Variants in COL23A1 observed in about 807,000 individuals in gnomAD.
COL23A1 encodes the protein collagen type XXIII alpha 1 chain.
Under a neutral mutation model 99.3 loss-of-function variants are expected in COL23A1, and 97 were observed. That is an observed-to-expected ratio of 0.98 (90% confidence interval 0.83 to 1.16). The LOEUF is 1.16. COL23A1 is among the 50% of genes most tolerant of loss of function. The pLI is 0.00. For synonymous variants in COL23A1, 320 were observed against 308.2 expected (o/e 1.04, Z -0.40); for missense variants, 762 against 757.4 (o/e 1.01, Z -0.07).
intron 1 of COL23A1, among the ~76,000 whole-genome samples, chr5:178,580,743 G>A (rs966288789): frequency 6.6e-6 from 1 of 152,222 alleles, no homozygotes; most frequent in Non-Finnish European, 1.5e-5. Context: ...TTCTGGCCGG[G>A]TGTGGTTGGC....
At chr5:178,369,597 T>C (rs1762690858) in intron 2 of COL23A1, among the ~76,000 whole-genome samples, 1 of 152,182 alleles carries the variant, frequency 6.6e-6, no homozygotes, top group South Asian at 2.1e-4. Context: ...CAGGTCATTC[T>C]CGTGCTGTTC....
chr5:178,404,902 A>G (rs182126578), intron 2 of COL23A1, among the ~76,000 whole-genome samples: 1 of 152,326 alleles, frequency 6.6e-6, no homozygotes, highest in Non-Finnish European at 1.5e-5. Context: ...GACAAGAATG[A>G]GCTCACTATG....
chr5:178,415,819 T>C lies in COL23A1; in HGVS notation c.362-108900A>G, dbSNP rs1312684235. ...GCAAACAAGAAAGACTGAAAACTCCTCGAGGGCACAACTGCAGACATCAGG... is the reference window on the plus strand; with the variant it reads ...GCAAACAAGAAAGACTGAAAACTCCCCGAGGGCACAACTGCAGACATCAGG... On this transcript the variant is annotated intron_variant, in intron 2 of 28. Transcript: ENST00000390654. This position sits in a 1 kb window ranked among gnomAD's most constrained non-coding sequence, Gnocchi z 4.6. 6.6e-6 allele frequency among the ~76,000 whole-genome samples: 1 copy of C among 152,002 alleles called. No individual in the cohort carries two copies. Among genetic ancestry groups the C allele is most frequent in the African/African-American group, 2.4e-5 (1 of 41,376 alleles).
intron 2 of COL23A1, among the ~76,000 whole-genome samples, chr5:178,449,809 G>C (rs1338013628): frequency 3.9e-5 from 6 of 152,050 alleles, no homozygotes; most frequent in Non-Finnish European, 8.8e-5. Context: ...GACAAGGCAT[G>C]GGCACTGAGT....
chr5:178,346,684 G>A (rs143529039), intron 2 of COL23A1, among the ~76,000 whole-genome samples: 2 of 152,288 alleles, frequency 1.3e-5, no homozygotes, highest in East Asian at 3.9e-4. Context: ...GTTGCCTGTA[G>A]ATGCTGAAAT....
intron 2 of COL23A1, among the ~76,000 whole-genome samples, chr5:178,354,730 G>A (rs1013752141): frequency 2.0e-4 from 30 of 152,210 alleles, no homozygotes; most frequent in African/African-American, 4.1e-4. Context: ...TATGCTTCCC[G>A]TACAGACTGT....
intron 2 of COL23A1, among the ~76,000 whole-genome samples, chr5:178,368,494 A>G (rs2973711): frequency 0.034 from 5,153 of 152,282 alleles, 246 homozygotes; most frequent in African/African-American, 0.11. Flanking sequence ...GGTAGCATAC[A>G]TCCTGTGGGT....
rs562882607 is a variant in COL23A1 at position 178,281,518 on chromosome 5, G to T, written c.441+6806C>A. On this transcript the variant is annotated intron_variant, in intron 5 of 28. Coordinates refer to ENST00000390654, the MANE Select transcript of COL23A1 (RefSeq NM_173465.4). This position sits in a 1 kb window ranked among gnomAD's most constrained non-coding sequence, Gnocchi z 4.0. ...TCACCGCTCCCTCGACTCCAGAGGG[G>T]CTTGGGCACGGCGCTCCGGGGCCCA... 6.6e-6 allele frequency among the ~76,000 whole-genome samples: 1 copy of T among 152,240 alleles called. No homozygotes were observed.
intron 10 of COL23A1, 70 bp downstream of exon 10, chr5:178,262,147 G>A: frequency 6.7e-7 from 1 of 1,501,728 alleles, no homozygotes; most frequent in Non-Finnish European, 9.1e-7. Flanking sequence ...GCGTGTGTGG[G>A]AAAGGGGCTT....
chr5:178,580,927 T>G (rs1763629974), intron 1 of COL23A1, among the ~76,000 whole-genome samples: 2 of 152,058 alleles, frequency 1.3e-5, no homozygotes, highest in Admixed American at 1.3e-4. Context: ...AAGGATCACC[T>G]GAGTCCAGGA....
At chr5:178,560,338 T>G (rs564298481) in intron 2 of COL23A1, among the ~76,000 whole-genome samples, 22 of 152,202 alleles carry the variant, frequency 1.4e-4, no homozygotes, top group Non-Finnish European at 3.1e-4. Flanking sequence ...TGGTGGCAAC[T>G]GGGGTTCCAG....
chr5:178,267,976 G>A (rs1755999278), intron 7 of COL23A1, among the ~76,000 whole-genome samples: 1 of 152,236 alleles, frequency 6.6e-6, no homozygotes, highest in African/African-American at 2.4e-5. Context: ...ACAGTTGGTG[G>A]TGGAGCTGGA....
At chr5:178,555,295 G>C (rs1762207530) in intron 2 of COL23A1, among the ~76,000 whole-genome samples, 1 of 152,284 alleles carries the variant, frequency 6.6e-6, no homozygotes, top group Admixed American at 6.5e-5. Context: ...AGGACTTCAA[G>C]ATACGAATAT....
intron 2 of COL23A1, among the ~76,000 whole-genome samples, chr5:178,515,019 C>T (rs1334061105): frequency 1.3e-5 from 2 of 152,254 alleles, no homozygotes; most frequent in Non-Finnish European, 2.9e-5. Context: ...TCACTCTCTT[C>T]GAAGCAAACT....
At chr5:178,460,703 C>G (rs1471047455) in intron 2 of COL23A1, among the ~76,000 whole-genome samples, 1 of 152,220 alleles carries the variant, frequency 6.6e-6, no homozygotes, top group Non-Finnish European at 1.5e-5. Context: ...CACGGAATCC[C>G]TTTGCCCTGC....
chr5:178,326,580 G>A (rs1028399195), intron 2 of COL23A1, among the ~76,000 whole-genome samples: 8 of 151,990 alleles, frequency 5.3e-5, no homozygotes, highest in Admixed American at 2.0e-4. Context: ...TCTCCAGTTC[G>A]TCCTCTCTTT....
chr5:178,442,573 C>A (rs563975303), intron 2 of COL23A1, among the ~76,000 whole-genome samples: 1 of 152,292 alleles, frequency 6.6e-6, no homozygotes, highest in South Asian at 2.1e-4. Flanking sequence ...GTGCTTCCTG[C>A]TGACTCAGGG....
At chr5:178,440,381 C>T (rs112669016) in intron 2 of COL23A1, among the ~76,000 whole-genome samples, 2 of 152,278 alleles carry the variant, frequency 1.3e-5, no homozygotes, top group African/African-American at 4.8e-5. Context: ...AGCTCCATCT[C>T]ATCCTTCAAC....
At chr5:178,343,836 T>C (rs1469781102) in intron 2 of COL23A1, among the ~76,000 whole-genome samples, 2 of 152,064 alleles carry the variant, frequency 1.3e-5, no homozygotes, top group African/African-American at 2.4e-5. Context: ...CTAATTTTTA[T>C]ATTTTTAGTA....
Sources: allele counts gnomAD v4.1 joint callset (sites outside exome capture counted in the v4.1 genomes callset), GRCh38; gene constraint gnomAD v4.1.1; non-coding constraint Gnocchi (gnomAD v3.1); transcripts MANE v1.5; gene names NCBI Gene and HGNC (gene_info 2026-07-23, HGNC 2026-07-21).